The following SLC35F4 variants were observed in gnomAD, a reference collection of about 807,000 sequenced individuals.
SLC35F4 encodes the protein solute carrier family 35 member F4.
In SLC35F4, 24 loss-of-function variants were observed where a neutral mutation model predicts 44.2. The ratio of observed to expected loss-of-function variants is 0.54; its 90% confidence interval spans 0.39 to 0.76. The LOEUF (loss-of-function observed/expected upper bound fraction) is 0.76, where lower values mean the gene tolerates loss of function less well. SLC35F4 is among the 30% of genes least tolerant of loss of function. The pLI is 0.00. For synonymous variants in SLC35F4, 238 were observed against 223.6 expected (o/e 1.06, Z -0.57); for missense variants, 562 against 586.1 (o/e 0.96, Z 0.42).
At chr14:57,765,093 T>C (rs2077204970) in intron 1 of SLC35F4, among the ~76,000 whole-genome samples, 1 of 151,620 alleles carries the variant, frequency 6.6e-6, no homozygotes, top group South Asian at 2.1e-4. Flanking sequence ...AGGAAGTATA[T>C]AATCTGGTGG....
intron 1 of SLC35F4, among the ~76,000 whole-genome samples, chr14:57,738,698 A>G (rs2076525894): frequency 6.7e-6 from 1 of 149,476 alleles, no homozygotes; most frequent in Non-Finnish European, 1.5e-5. Context: ...ATACCATTCT[A>G]AATTTATTAG....
chr14:57,928,836 A>G (rs1889634795), intron 1 of SLC35F4, among the ~76,000 whole-genome samples: 1 of 152,236 alleles, frequency 6.6e-6, no homozygotes, highest in Non-Finnish European at 1.5e-5. Flanking sequence ...ACATGAAACA[A>G]TAACAAACTT....
At chr14:57,640,849 C>A (rs1157879744) in intron 1 of SLC35F4, among the ~76,000 whole-genome samples, 1 of 151,878 alleles carries the variant, frequency 6.6e-6, no homozygotes, top group Admixed American at 6.6e-5. Flanking sequence ...TTAAATTTTA[C>A]AAACAATATT....
intron 1 of SLC35F4, among the ~76,000 whole-genome samples, chr14:57,892,988 G>T (rs1415670346): frequency 1.3e-5 from 2 of 152,156 alleles, no homozygotes; most frequent in South Asian, 4.1e-4. Context: ...CCTATTTCCT[G>T]CTTAAAAGAA....
chr14:57,826,249 G>T (rs1434370731), intron 1 of SLC35F4, among the ~76,000 whole-genome samples: 2 of 152,104 alleles, frequency 1.3e-5, no homozygotes, highest in Admixed American at 1.3e-4. Flanking sequence ...GCTCACAAAA[G>T]CAAGCAATGG....
chr14:57,838,868 A>C lies in SLC35F4; in HGVS notation c.103+26855T>G, dbSNP rs146655180. On this transcript the variant is annotated intron_variant, in intron 1 of 7. Coordinates refer to ENST00000556826, the MANE Select transcript of SLC35F4 (RefSeq NM_001306087.2). ...ATTTCAAGGATTAGTAAATCAGTCC[A>C]TATGGCTGGAATAGAGAATTCACAT... 2.7e-3 allele frequency among the ~76,000 whole-genome samples: 406 copies of C among 152,346 alleles called. 2 individuals carry two copies. Among genetic ancestry groups the C allele is most frequent in the Admixed American group, 7.3e-3 (111 of 15,298 alleles).
intron 1 of SLC35F4, among the ~76,000 whole-genome samples, chr14:57,740,907 G>A (rs931813693): frequency 1.3e-5 from 2 of 152,162 alleles, no homozygotes; most frequent in Non-Finnish European, 2.9e-5. Flanking sequence ...TCACACGGCC[G>A]GGTGCCCCTC....
At chr14:57,840,910 C>T (rs1885421579) in intron 1 of SLC35F4, among the ~76,000 whole-genome samples, 1 of 152,166 alleles carries the variant, frequency 6.6e-6, no homozygotes, top group Non-Finnish European at 1.5e-5. Flanking sequence ...AAGTGCACAT[C>T]AATTTATGCA....
intron 1 of SLC35F4, among the ~76,000 whole-genome samples, chr14:57,859,608 G>A (rs1016284251): frequency 6.6e-6 from 1 of 152,182 alleles, no homozygotes; most frequent in African/African-American, 2.4e-5. Flanking sequence ...ATTACTTCAG[G>A]TATTTGATTA....
At position 57,564,036 on chromosome 14, in the gene SLC35F4, A is replaced by C; in HGVS notation, c.*99T>G. 7.4e-7 allele frequency: 1 copy of C among 1,343,090 alleles called. No individual in the cohort carries two copies. The highest frequency in any genetic ancestry group is 1.0e-6 in the Non-Finnish European group (1 of 986,638). The allele number at this position is 1,343,090 out of a possible 1,614,324, so 83.2% of individuals were successfully genotyped here. A position where few individuals can be genotyped will look rare whatever the true frequency, so the allele number is the denominator to read the frequency against. On this transcript the variant is annotated 3_prime_UTR_variant, in exon 8 of 8. Transcript: ENST00000556826. ...CATTATTTCACATATGATTTATCCAAATTCAGAGTTAATACTGTCGTTTGA... is the reference window on the plus strand; with the variant it reads ...CATTATTTCACATATGATTTATCCACATTCAGAGTTAATACTGTCGTTTGA...
chr14:57,766,242 T>C (rs111699782), intron 1 of SLC35F4, among the ~76,000 whole-genome samples: 182 of 152,340 alleles, frequency 1.2e-3, no homozygotes, highest in African/African-American at 4.0e-3. Flanking sequence ...AATAGTATTC[T>C]GTGGAAATGC....
At chr14:57,607,730 G>A (rs1212654558) in intron 1 of SLC35F4, among the ~76,000 whole-genome samples, 1 of 152,230 alleles carries the variant, frequency 6.6e-6, no homozygotes, top group East Asian at 1.9e-4. Context: ...AACGGACTGA[G>A]AGGAAGTAAA....
chr14:57,870,124 C>CTGTGTGTGTG (rs34282878), upstream of SLC35F4, among the ~76,000 whole-genome samples: 440 of 146,168 alleles, frequency 3.0e-3, 1 homozygote, highest in African/African-American at 6.0e-3. Context: ...TGTCTATGAT[C>CTGTGTGTGTG]TGTGTGTGTG....
Position 57,863,941 on chromosome 14 carries a change from C to T in SLC35F4, c.103+1782G>A, listed in dbSNP as rs145294101. ...GTTATAGCCTTGGCCAGTGCTCTTC[C>T]CTTTTTTTGTCCTGTTATTGTGTTG... On this transcript the variant is annotated intron_variant, in intron 1 of 7. Transcript: ENST00000556826. Among the ~76,000 whole-genome samples the T allele has an allele frequency of 1.4e-3, 209 of 152,242 alleles. 3 individuals carry two copies. In the East Asian group the frequency reaches 0.035, roughly 26 times the overall value.
At chr14:57,934,771 T>A (rs1380513650) in intron 1 of SLC35F4, among the ~76,000 whole-genome samples, 1 of 152,164 alleles carries the variant, frequency 6.6e-6, no homozygotes, top group East Asian at 1.9e-4. Flanking sequence ...ATATTTGTGA[T>A]GTTAACTGAG....
chr14:57,883,845 C>T (rs1002398168), intron 1 of SLC35F4, among the ~76,000 whole-genome samples: 1 of 152,148 alleles, frequency 6.6e-6, no homozygotes, highest in African/African-American at 2.4e-5. Context: ...TTCAGCTATT[C>T]ACCTTCTAAT....
intron 2 of SLC35F4, 52 bp from the exon 3 acceptor site, chr14:57,589,565 A>T (rs1200587995): frequency 1.3e-6 from 2 of 1,499,854 alleles, no homozygotes; most frequent in African/African-American, 2.8e-5. Context: ...ATGAAACAGC[A>T]ATCAAATATA....
intron 1 of SLC35F4, among the ~76,000 whole-genome samples, chr14:57,742,562 G>C (rs62003382): frequency 0.43 from 65,460 of 152,018 alleles, 14,121 homozygotes; most frequent in East Asian, 0.56. Context: ...GAAGCACCCA[G>C]ATTCATAAAG....
Position 57,746,812 on chromosome 14 carries a change from A to G in SLC35F4, c.103+118911T>C, listed in dbSNP as rs569281405. ...CTGCAAGCTACCATTTATTAACCAG[A>G]AATGCAAAGTTAGAGAAAATATGTT... On this transcript the variant is annotated intron_variant, in intron 1 of 7. Coordinates refer to ENST00000556826, the MANE Select transcript of SLC35F4 (RefSeq NM_001306087.2). Among the ~76,000 whole-genome samples, 3 of 152,270 alleles carry G rather than the reference A, an allele frequency of 2.0e-5. No homozygotes were observed. In the East Asian group the frequency reaches 5.8e-4, roughly 29 times the overall value.
Sources: allele counts gnomAD v4.1 joint callset (sites outside exome capture counted in the v4.1 genomes callset), GRCh38; gene constraint gnomAD v4.1.1; transcripts MANE v1.5; gene names NCBI Gene and HGNC (gene_info 2026-07-23, HGNC 2026-07-21).